The following ANKS1A variants were observed in gnomAD, a reference collection of about 807,000 sequenced individuals.
ANKS1A encodes ankyrin repeat and sterile alpha motif domain containing 1A.
In ANKS1A, 55 loss-of-function variants were observed where a neutral mutation model predicts 120.3. That is an observed-to-expected ratio of 0.46 (90% CI 0.37 to 0.57). ANKS1A has a LOEUF of 0.57. ANKS1A is among the 20% of genes least tolerant of loss of function. ANKS1A has a pLI of 0.00. For synonymous variants in ANKS1A, 590 were observed against 604.7 expected (o/e 0.98, Z 0.36); for missense variants, 1,123 against 1,480.3 (o/e 0.76, Z 3.96).
chr6:35,015,572 C>A (rs1009634567), intron 10 of ANKS1A, among the ~76,000 whole-genome samples: 2 of 152,126 alleles, frequency 1.3e-5, no homozygotes, highest in African/African-American at 4.8e-5. Flanking sequence ...GATAAGTAAT[C>A]AGAGCCATAA....
Position 35,054,300 on chromosome 6 carries a change from T to G in ANKS1A, c.2077+135T>G, listed in dbSNP as rs143295195. 1.3e-4 allele frequency: 99 copies of G among 736,946 alleles called. No individual in the cohort carries two copies. The East Asian group carries it at 2.6e-3, about 19-fold the overall frequency. 45.7% of individuals were successfully genotyped at this position (736,946 alleles called of 1,614,324 possible). Reference sequence around the variant, plus strand: ...AGCTTCAGACCACGTCATGCTCCTATAATTCAGTCTCCAATACCTAGACAG... The same window carrying G: ...AGCTTCAGACCACGTCATGCTCCTAGAATTCAGTCTCCAATACCTAGACAG... On this transcript the variant is annotated intron_variant, in intron 12 of 23. Coordinates refer to ENST00000360359, the MANE Select transcript of ANKS1A (RefSeq NM_015245.3).
intron 3 of ANKS1A, 112 bp downstream of exon 3, chr6:34,970,278 C>T (rs2127512385): frequency 7.9e-7 from 1 of 1,269,390 alleles, no homozygotes; most frequent in Middle Eastern, 2.8e-4. Flanking sequence ...TCTTCCTTTT[C>T]TTTCTTTTTG....
chr6:34,916,401 A>T (rs1012624169), intron 1 of ANKS1A, among the ~76,000 whole-genome samples: 1 of 151,916 alleles, frequency 6.6e-6, no homozygotes, highest in African/African-American at 2.4e-5. Flanking sequence ...AATATTGCTA[A>T]TTGGAGTTAA....
At position 35,090,989 on chromosome 6, in the gene ANKS1A, G is replaced by A. The variant is rs1019801429; in HGVS notation, c.*2380G>A. 2 of 985,800 alleles carry A rather than the reference G, an allele frequency of 2.0e-6. No homozygotes were observed. Among genetic ancestry groups the A allele is most frequent in the African/African-American group, 1.7e-5 (1 of 57,264 alleles). The allele number at this position is 985,800 out of a possible 1,614,324, so 61.1% of individuals were successfully genotyped here. ...TAATGGGAGTTCCCGAGATGCTCGG[G>A]TTTGAGCAGGGAGCAGGCAGAGCTG... is the stretch of plus-strand genomic sequence containing the variant. On this transcript the variant is annotated 3_prime_UTR_variant, in exon 24 of 24. Coordinates refer to ENST00000360359, the MANE Select transcript of ANKS1A (RefSeq NM_015245.3).
chr6:35,043,602 A>G (rs1266034226), intron 11 of ANKS1A, among the ~76,000 whole-genome samples: 1 of 152,218 alleles, frequency 6.6e-6, no homozygotes, highest in Non-Finnish European at 1.5e-5. Context: ...CCATTGTTCC[A>G]GTAGAAGCCT....
intron 11 of ANKS1A, among the ~76,000 whole-genome samples, chr6:35,023,062 A>T (rs1006420984): frequency 1.3e-5 from 2 of 152,172 alleles, no homozygotes; most frequent in East Asian, 3.8e-4. Context: ...GTCGTGCATT[A>T]ATAGGCCAAG....
chr6:35,019,011 G>A (rs760381631), intron 11 of ANKS1A, among the ~76,000 whole-genome samples: 22 of 152,184 alleles, frequency 1.4e-4, no homozygotes, highest in Non-Finnish European at 2.6e-4. Context: ...GCAGAAGAGG[G>A]ATAAGTGGTT....
At chr6:34,974,738 T>C (rs763194387) in intron 3 of ANKS1A, among the ~76,000 whole-genome samples, 27 of 152,194 alleles carry the variant, frequency 1.8e-4, no homozygotes, top group Non-Finnish European at 2.1e-4. Context: ...TCTACCTTGC[T>C]GGATTGTTTT....
chr6:35,050,082 A>G lies in ANKS1A; in HGVS notation c.2011-4017A>G, dbSNP rs1775899420. ...CATCCCCACCCCGTGGGCAGCCAGA[A>G]TCCTGCGGTCTAAACAAGCAGATGT... On this transcript the variant is annotated intron_variant, in intron 11 of 23. Transcript: ENST00000360359. The surrounding 1 kb of genome is among the most constrained non-coding windows in gnomAD (Gnocchi z 4.3). 1.3e-5 allele frequency among the ~76,000 whole-genome samples: 2 copies of G among 152,186 alleles called. No homozygotes were observed. The highest frequency in any genetic ancestry group is 1.3e-4 in the Admixed American group (2 of 15,276).
chr6:34,939,584 A>C (rs955957363), intron 1 of ANKS1A, among the ~76,000 whole-genome samples: 1 of 152,182 alleles, frequency 6.6e-6, no homozygotes, highest in African/African-American at 2.4e-5. Flanking sequence ...ACAGTGGCTT[A>C]TGCCTGTAAT....
At chr6:35,059,367 C>T (rs773829277) in intron 12 of ANKS1A, among the ~76,000 whole-genome samples, 30 of 152,264 alleles carry the variant, frequency 2.0e-4, no homozygotes, top group Non-Finnish European at 3.7e-4. Flanking sequence ...GACCCCCGAG[C>T]CCCGGCCCAT....
chr6:34,910,575 A>G (rs1182226601), intron 1 of ANKS1A, among the ~76,000 whole-genome samples: 1 of 151,858 alleles, frequency 6.6e-6, no homozygotes, highest in African/African-American at 2.4e-5. Context: ...TAAAAGAATG[A>G]ATGGGCTGGG....
intron 13 of ANKS1A, among the ~76,000 whole-genome samples, chr6:35,074,641 G>A (rs1254618699): frequency 6.6e-6 from 1 of 152,204 alleles, no homozygotes; most frequent in Admixed American, 6.5e-5. Context: ...TTTGGTCCCA[G>A]AGCCACTGTA....
chr6:35,025,597 ATC>A (rs1447411194), intron 11 of ANKS1A, among the ~76,000 whole-genome samples: 1 of 151,648 alleles, frequency 6.6e-6, no homozygotes, highest in Non-Finnish European at 1.5e-5. Context: ...TCTGTTACTC[ATC>A]TGTTTCCCTC....
chr6:34,954,267 A>G (rs1314085122), intron 1 of ANKS1A, among the ~76,000 whole-genome samples: 4 of 152,210 alleles, frequency 2.6e-5, no homozygotes, highest in African/African-American at 7.2e-5. Flanking sequence ...CAGTATAGCA[A>G]TAACTTAAAA....
chr6:35,043,872 T>C (rs1380560839), intron 11 of ANKS1A, among the ~76,000 whole-genome samples: 2 of 152,218 alleles, frequency 1.3e-5, no homozygotes, highest in African/African-American at 4.8e-5. Context: ...AGCCAGAATT[T>C]GACCACTTGT....
At chr6:34,999,327 G>A (rs1170547140) in intron 10 of ANKS1A, among the ~76,000 whole-genome samples, 7 of 152,020 alleles carry the variant, frequency 4.6e-5, no homozygotes, top group African/African-American at 1.2e-4. Context: ...CTTGACTTGG[G>A]TTGCTTGATA....
chr6:34,996,005 A>G (rs1772832460), intron 10 of ANKS1A, among the ~76,000 whole-genome samples: 1 of 152,208 alleles, frequency 6.6e-6, no homozygotes, highest in Non-Finnish European at 1.5e-5. Context: ...GGAAACTGCC[A>G]AACTATTTTC....
chr6:34,892,728 T>C (rs1287155266), intron 1 of ANKS1A, among the ~76,000 whole-genome samples: 2 of 152,216 alleles, frequency 1.3e-5, no homozygotes, highest in Admixed American at 6.5e-5. Context: ...CACACAGATC[T>C]CTCAAGCTTC....
Sources: allele counts gnomAD v4.1 joint callset (sites outside exome capture counted in the v4.1 genomes callset), GRCh38; gene constraint gnomAD v4.1.1; non-coding constraint Gnocchi (gnomAD v3.1); transcripts MANE v1.5; gene names NCBI Gene and HGNC (gene_info 2026-07-23, HGNC 2026-07-21).